Variants in MS4A2 observed in about 807,000 individuals in gnomAD.
MS4A2 encodes the protein membrane spanning 4-domains A2.
Under a neutral mutation model 27.9 loss-of-function variants are expected in MS4A2, and 26 were observed. That is an observed-to-expected ratio of 0.93 (90% confidence interval 0.68 to 1.29). The LOEUF is 1.29. Among genes scored for constraint, MS4A2 ranks in the 50% most tolerant of loss-of-function variants. MS4A2 has a pLI of 0.00. For synonymous variants in MS4A2, 110 were observed against 98.8 expected (o/e 1.11, Z -0.67); for missense variants, 284 against 284.6 (o/e 1.00, Z 0.01).
At position 60,098,229 on chromosome 11, in the gene MS4A2, C is replaced by T. The variant is rs1010085374; in HGVS notation, c.*2573C>T. ...CCTCAGGCAGACACAGAGCACAATGCTGGGGTTCTCTTCACACTATCACTG... is the reference window on the plus strand; with the variant it reads ...CCTCAGGCAGACACAGAGCACAATGTTGGGGTTCTCTTCACACTATCACTG... On this transcript the variant is annotated 3_prime_UTR_variant, in exon 7 of 7. Coordinates refer to ENST00000278888, the MANE Select transcript of MS4A2 (RefSeq NM_000139.5). 1 of 152,198 alleles carries T rather than the reference C, an allele frequency of 6.6e-6. No individual in the cohort carries two copies. The highest frequency in any genetic ancestry group is 1.5e-5 in the Non-Finnish European group (1 of 68,042). The allele number at this position is 152,198 out of a possible 1,614,324, so 9.4% of individuals were successfully genotyped here. A position where few individuals can be genotyped will look rare whatever the true frequency, so the allele number is the denominator to read the frequency against.
In MS4A2 at chr11:60,095,977, GA is replaced by G. The variant is rs994620850; in HGVS notation, c.*324del. 1.8e-5 allele frequency: 5 copies of G among 274,380 alleles called. No individual in the cohort carries two copies. Among genetic ancestry groups the G allele is most frequent in the Admixed American group, 1.5e-4 (3 of 20,098 alleles). The allele number at this position is 274,380 out of a possible 1,614,324, so 17.0% of individuals were successfully genotyped here. The stretch of plus-strand genomic sequence containing the variant: ...AATACAGAAAAAAAGAAGGCTGGCT[GA>G]AAGTTGAGTTAAACTTTGACAGTTT... On this transcript the variant is annotated 3_prime_UTR_variant, in exon 7 of 7. Coordinates refer to ENST00000278888, the MANE Select transcript of MS4A2 (RefSeq NM_000139.5).
At chr11:60,095,508 G>A in intron 6 of MS4A2, 50 bp from the exon 7 acceptor site, 3 of 1,201,286 alleles carry the variant, frequency 2.5e-6, no homozygotes, top group South Asian at 1.2e-5. Flanking sequence ...GAGACTTCTA[G>A]GGATGGGAAA....
rs1245155370 is a variant in MS4A2 at position 60,095,725 on chromosome 11, T to A, written c.*69T>A. ...GAAGGCCAAGGTCTTGTTAAGGGGC[T>A]ACTGGAAAAATTTCTATTCTCTCCA... On this transcript the variant is annotated 3_prime_UTR_variant, in exon 7 of 7. Coordinates refer to ENST00000278888, the MANE Select transcript of MS4A2 (RefSeq NM_000139.5). 1 of 1,032,052 alleles carries A rather than the reference T, an allele frequency of 9.7e-7. No individual in the cohort carries two copies. The highest frequency in any genetic ancestry group is 1.5e-6 in the Non-Finnish European group (1 of 653,292). 63.9% of individuals were successfully genotyped at this position (1,032,052 alleles called of 1,614,324 possible). A position where few individuals can be genotyped will look rare whatever the true frequency, so the allele number is the denominator to read the frequency against.
chr11:60,094,840 C>T (rs1369893649), intron 6 of MS4A2, among the ~76,000 whole-genome samples: 1 of 152,040 alleles, frequency 6.6e-6, no homozygotes, highest in African/African-American at 2.4e-5. Context: ...AACAAAACAA[C>T]AACAACAAAA....
At position 60,096,059 on chromosome 11, in the gene MS4A2, G is replaced by A. The variant is rs1422171197; in HGVS notation, c.*403G>A. 1.2e-5 allele frequency: 3 copies of A among 250,992 alleles called. No individual in the cohort carries two copies. The highest frequency in any genetic ancestry group is 2.3e-5 in the Non-Finnish European group (3 of 130,770). 15.5% of individuals were successfully genotyped at this position (250,992 alleles called of 1,614,324 possible). A position where few individuals can be genotyped will look rare whatever the true frequency, so the allele number is the denominator to read the frequency against. On this transcript the variant is annotated 3_prime_UTR_variant, in exon 7 of 7. Transcript: ENST00000278888. The stretch of plus-strand genomic sequence containing the variant: ...TTTTTTAGCATTCTTAATAGTTACA[G>A]TTGGGCATGATTTGTACCATCCACC...
chr11:60,091,810 T>C (rs1855764387), intron 3 of MS4A2, among the ~76,000 whole-genome samples: 1 of 152,194 alleles, frequency 6.6e-6, no homozygotes, highest in Non-Finnish European at 1.5e-5. Context: ...TGTACCTCTG[T>C]TATAATTGAA....
At chr11:60,094,114 C>T (rs1177331976) in intron 6 of MS4A2, 52 bp downstream of exon 6, 1 of 1,220,118 alleles carries the variant, frequency 8.2e-7, no homozygotes. Flanking sequence ...CGAATTGGAG[C>T]TTTATTCCTT....
At position 60,097,638 on chromosome 11, in the gene MS4A2, A is replaced by T. The variant is rs1318142559; in HGVS notation, c.*1982A>T. The T allele has an allele frequency of 6.6e-6, 1 of 152,210 alleles. No homozygotes were observed. The highest frequency in any genetic ancestry group is 1.5e-5 in the Non-Finnish European group (1 of 68,042). 9.4% of individuals were successfully genotyped at this position (152,210 alleles called of 1,614,324 possible). ...TAGCCTAAGTATAAGAGTCCTACAG[A>T]TGGACTGAAAAAAATCAGTCTGAGA... On this transcript the variant is annotated 3_prime_UTR_variant, in exon 7 of 7. Coordinates refer to ENST00000278888, the MANE Select transcript of MS4A2 (RefSeq NM_000139.5).
At chr11:60,089,403 C>G (rs529095122) in intron 1 of MS4A2, among the ~76,000 whole-genome samples, 2 of 152,126 alleles carry the variant, frequency 1.3e-5, no homozygotes, top group Non-Finnish European at 2.9e-5. Flanking sequence ...TTTTACTTGT[C>G]AACATAGATG....
intron 3 of MS4A2, among the ~76,000 whole-genome samples, chr11:60,092,085 T>C (rs1171802699): frequency 6.6e-6 from 1 of 151,998 alleles, no homozygotes; most frequent in Non-Finnish European, 1.5e-5. Context: ...AAGACGCACA[T>C]ACAAATAGAC....
At chr11:60,092,898 C>A in intron 4 of MS4A2, 50 bp downstream of exon 4, 2 of 1,558,802 alleles carry the variant, frequency 1.3e-6, no homozygotes, top group Non-Finnish European at 1.8e-6. Flanking sequence ...ATAAGAAGAA[C>A]AGAGTTTTAA....
chr11:60,093,355 C>G (rs535305354), intron 4 of MS4A2, 45 bp from the exon 5 acceptor site: 110 of 1,612,830 alleles, frequency 6.8e-5, no homozygotes, highest in Non-Finnish European at 9.2e-5. Context: ...ATTGAATGTG[C>G]CAGCAAGTGC....
At chr11:60,088,986 TTC>T (rs1274892759) in intron 1 of MS4A2, among the ~76,000 whole-genome samples, 165 bp downstream of exon 1, 1 of 152,162 alleles carries the variant, frequency 6.6e-6, no homozygotes, top group African/African-American at 2.4e-5. Flanking sequence ...TTCCATGTGG[TTC>T]TCTCTCCCTG....
chr11:60,093,796 C>T (rs1227061180), intron 5 of MS4A2, 168 bp from the exon 6 acceptor site: 10 of 727,496 alleles, frequency 1.4e-5, no homozygotes, highest in African/African-American at 2.2e-5. Context: ...TTTTCTGTGC[C>T]TGTGTTTGTG....
chr11:60,092,909 G>T, intron 4 of MS4A2, 61 bp downstream of exon 4: 1 of 1,475,084 alleles, frequency 6.8e-7, no homozygotes, highest in South Asian at 1.1e-5. Flanking sequence ...AGAGTTTTAA[G>T]AGTCTTAAGG....
Position 60,093,428 on chromosome 11 carries a change from C to A in MS4A2, c.407C>A (p.Ala136Asp). The A allele has an allele frequency of 6.2e-7, 1 of 1,614,140 alleles. No homozygotes were observed. The highest frequency in any genetic ancestry group is 8.5e-7 in the Non-Finnish European group (1 of 1,180,026). The change falls in exon 5 of 7, where the codon GCC becomes GAC. Residue 136 changes from alanine (A) to aspartate (D), a missense_variant. Ala to Asp is a moderately radical substitution (Grantham distance 126, BLOSUM62 -2). Coordinates refer to ENST00000278888, the MANE Select transcript of MS4A2 (RefSeq NM_000139.5). The part of the protein sequence containing the change: ...LVRGSLGANT[A>D]SSIAGGTGIT... Reference sequence around the variant, plus strand: ...AGAGGAAGCCTGGGAGCAAACACTGCCAGCAGCATAGCTGGGGGAACGGGA... The same window carrying A: ...AGAGGAAGCCTGGGAGCAAACACTGACAGCAGCATAGCTGGGGGAACGGGA...
At chr11:60,093,760 T>C in intron 5 of MS4A2, 1 of 831,902 alleles carries the variant, frequency 1.2e-6, no homozygotes, top group South Asian at 1.5e-5. Context: ...GTTAAAGTTA[T>C]CTACTGCAAG....
At position 60,088,811 on chromosome 11, in the gene MS4A2, G is replaced by A. The variant is rs1424562812; in HGVS notation, c.46G>A (p.Glu16Lys). The A allele has an allele frequency of 6.2e-7, 1 of 1,611,168 alleles. No homozygotes were observed. The highest frequency in any genetic ancestry group is 8.5e-7 in the Non-Finnish European group (1 of 1,178,306). ...GAGAGCAAATCTTGCTCTCCCACAG[G>A]AGCCTTCCAGGTAGGTACAAGGTAT... ...NRRANLALPQ[E>K]PSSVPAFEVL... Residue 16 changes from glutamate (E) to lysine (K), a missense_variant, in exon 1 of 7, where the codon GAG (glutamate) becomes AAG (lysine). Coordinates refer to ENST00000278888, the MANE Select transcript of MS4A2 (RefSeq NM_000139.5).
Position 60,092,824 on chromosome 11 carries a change from T to C in MS4A2, c.354T>C (p.Ser118=), listed in dbSNP as rs1855790706. Residue 118 remains serine (S), a synonymous_variant, in exon 4 of 7, where the codon TCT becomes TCC. Transcript: ENST00000278888. ...FSISGMLSII[S]ERRNATYLVR... ...TTTCTGGAATGTTGTCAATTATATC[T>C]GAAAGGAGAAATGCAACATATCTGG... 6.2e-7 allele frequency: 1 copy of C among 1,613,918 alleles called. No homozygotes were observed. Among genetic ancestry groups the C allele is most frequent in the South Asian group, 1.1e-5 (1 of 91,062 alleles).
Sources: allele counts gnomAD v4.1 joint callset (sites outside exome capture counted in the v4.1 genomes callset), GRCh38; gene constraint gnomAD v4.1.1; transcripts MANE v1.5; gene names NCBI Gene and HGNC (gene_info 2026-07-23, HGNC 2026-07-21).